MAL2: variants seen among roughly 807,000 people sequenced by gnomAD.
MAL2 encodes the protein protein MAL2.
Under a neutral mutation model 18.1 loss-of-function variants are expected in MAL2, and 17 were observed. That is an observed-to-expected ratio of 0.94 (90% confidence interval 0.64 to 1.41). The LOEUF (loss-of-function observed/expected upper bound fraction) is 1.41. Among genes scored for constraint, MAL2 ranks in the 40% most tolerant of loss-of-function variants. The pLI, the probability that MAL2 is intolerant of heterozygous loss-of-function variation, is 0.00. For synonymous variants in MAL2, 102 were observed against 102.3 expected, an observed-to-expected ratio of 1.00 and a Z score of 0.02; for missense variants, 222 against 231.9, an observed-to-expected ratio of 0.96 and a Z score of 0.28.
At chr8:119,213,877 A>G (rs2129776268) in intron 1 of MAL2, among the ~76,000 whole-genome samples, 1 of 152,266 alleles carries the variant, frequency 6.6e-6, no homozygotes, top group African/African-American at 2.4e-5. Flanking sequence ...AAATAAACCA[A>G]TGCCCCTGCC....
chr8:119,242,919 T>C (rs1818076180), intron 3 of MAL2, among the ~76,000 whole-genome samples: 1 of 152,230 alleles, frequency 6.6e-6, no homozygotes, highest in African/African-American at 2.4e-5. Context: ...TACACAGGAC[T>C]GTCTCCCATA....
intron 3 of MAL2, among the ~76,000 whole-genome samples, chr8:119,243,077 C>T (rs1818078611): frequency 6.6e-6 from 1 of 152,312 alleles, no homozygotes; most frequent in Non-Finnish European, 1.5e-5. Flanking sequence ...ATGAACAGAA[C>T]TTCATGCTGA....
At chr8:119,224,253 A>C (rs560079556) in intron 2 of MAL2, 1 of 152,268 alleles carries the variant, frequency 6.6e-6, no homozygotes, top group African/African-American at 2.4e-5. Context: ...TACTTGCCTC[A>C]TTCTATTCTG....
intron 3 of MAL2, 50 bp from the exon 4 acceptor site, chr8:119,243,367 A>T (rs370703360): frequency 6.9e-7 from 1 of 1,445,960 alleles, no homozygotes; most frequent in Non-Finnish European, 9.4e-7. Flanking sequence ...GACACTGTTT[A>T]TAAGTCGGTG....
chr8:119,235,798 A>G (rs1395357072), intron 2 of MAL2, among the ~76,000 whole-genome samples: 1 of 145,066 alleles, frequency 6.9e-6, no homozygotes, highest in Non-Finnish European at 1.5e-5. Flanking sequence ...AGGAAGCACT[A>G]AACATGGAAA....
intron 1 of MAL2, chr8:119,221,155 T>C (rs1484326715): frequency 1.2e-5 from 2 of 162,656 alleles, no homozygotes; most frequent in African/African-American, 2.4e-5. Context: ...CAAAAGCTGG[T>C]TTATAGTGAT....
chr8:119,216,337 A>G (rs1817353791), intron 1 of MAL2, among the ~76,000 whole-genome samples: 2 of 152,218 alleles, frequency 1.3e-5, no homozygotes, highest in Non-Finnish European at 2.9e-5. Flanking sequence ...AAGTTCTGGA[A>G]GCCAATTGCC....
chr8:119,242,078 TCTTA>T (rs1397296104), intron 3 of MAL2, among the ~76,000 whole-genome samples: 2 of 152,220 alleles, frequency 1.3e-5, no homozygotes, highest in Admixed American at 1.3e-4. Flanking sequence ...TTTATGTGTT[TCTTA>T]CTTCCAGTCC....
intron 2 of MAL2, among the ~76,000 whole-genome samples, chr8:119,231,435 T>G (rs1372162908): frequency 6.6e-6 from 1 of 152,162 alleles, no homozygotes; most frequent in African/African-American, 2.4e-5. Flanking sequence ...GTAATAGAAA[T>G]CAATAATAGG....
intron 1 of MAL2, among the ~76,000 whole-genome samples, chr8:119,219,567 CAG>C (rs142374180): frequency 2.9e-4 from 41 of 141,798 alleles, no homozygotes; most frequent in Admixed American, 7.6e-4. Flanking sequence ...GAGAGAGAGA[CAG>C]AGAGAGAGAG....
intron 2 of MAL2, among the ~76,000 whole-genome samples, chr8:119,234,566 A>G (rs1004700522): frequency 3.3e-5 from 5 of 152,256 alleles, no homozygotes; most frequent in African/African-American, 1.2e-4. Flanking sequence ...CCTGTCTGAC[A>G]GCTTTGAAGA....
At chr8:119,233,390 TG>T (rs1283362369) in intron 2 of MAL2, among the ~76,000 whole-genome samples, 1 of 152,118 alleles carries the variant, frequency 6.6e-6, no homozygotes, top group Non-Finnish European at 1.5e-5. Context: ...ATCCAGGAGC[TG>T]GTTTTTTGAA....
chr8:119,240,847 T>A (rs1345343351), intron 3 of MAL2, among the ~76,000 whole-genome samples: 1 of 152,208 alleles, frequency 6.6e-6, no homozygotes, highest in African/African-American at 2.4e-5. Flanking sequence ...CAGTAGATGA[T>A]AGGCAGATGA....
At chr8:119,238,845 C>A (rs939629244) in intron 2 of MAL2, among the ~76,000 whole-genome samples, 60 of 151,544 alleles carry the variant, frequency 4.0e-4, no homozygotes, top group African/African-American at 1.4e-3. Context: ...CTAGGCATTA[C>A]CATTCAGGAC....
chr8:119,244,691 G>A lies in MAL2; in HGVS notation c.*1203G>A, dbSNP rs1240530134. 1 of 152,134 alleles carries A rather than the reference G, an allele frequency of 6.6e-6. No homozygotes were observed. The highest frequency in any genetic ancestry group is 1.5e-5 in the Non-Finnish European group (1 of 68,006). 9.4% of individuals were successfully genotyped at this position (152,134 alleles called of 1,614,324 possible). ...AAGTTGTAGATTCTTATGTGTTTTTGTATTAGCCCAGACATCTGTAATGTT... is the reference window on the plus strand; with the variant it reads ...AAGTTGTAGATTCTTATGTGTTTTTATATTAGCCCAGACATCTGTAATGTT... On this transcript the variant is annotated 3_prime_UTR_variant, in exon 4 of 4. Transcript: ENST00000614891.
intron 1 of MAL2, among the ~76,000 whole-genome samples, chr8:119,220,212 C>T (rs1196271608): frequency 1.3e-5 from 2 of 152,228 alleles, no homozygotes; most frequent in South Asian, 2.1e-4. Flanking sequence ...TTCCAGAAAT[C>T]TGGGTATTTT....
intron 2 of MAL2, among the ~76,000 whole-genome samples, chr8:119,235,598 T>A (rs2129892417): frequency 6.6e-6 from 1 of 152,194 alleles, no homozygotes; most frequent in Middle Eastern, 3.4e-3. Context: ...ACAGCGGGTC[T>A]CTTGGCAGAA....
At position 119,222,504 on chromosome 8, in the gene MAL2, G is replaced by A. The variant is rs1174715530; in HGVS notation, c.303+747G>A. ...CCACTGTACTCCAGCCTGGGTGACA[G>A]AGCAAGACTCCATCTCAAAAAAAAA... On this transcript the variant is annotated intron_variant, in intron 2 of 3. Transcript: ENST00000614891. Among the ~76,000 whole-genome samples, 5 of 147,942 alleles carry A rather than the reference G, an allele frequency of 3.4e-5. No individual in the cohort carries two copies. In the East Asian group the frequency reaches 9.9e-4, roughly 29 times the overall value.
intron 2 of MAL2, among the ~76,000 whole-genome samples, chr8:119,235,163 C>T (rs1341146257): frequency 1.3e-5 from 2 of 152,068 alleles, no homozygotes; most frequent in East Asian, 1.9e-4. Context: ...GTGAAGAATG[C>T]AGAAGCCTCA....
Sources: allele counts gnomAD v4.1 joint callset (sites outside exome capture counted in the v4.1 genomes callset), GRCh38; gene constraint gnomAD v4.1.1; transcripts MANE v1.5; gene names NCBI Gene and HGNC (gene_info 2026-07-23, HGNC 2026-07-21).